DOCK9: variants seen among roughly 807,000 people sequenced by gnomAD.
The protein encoded by DOCK9 is dedicator of cytokinesis 9.
Under a neutral mutation model 263.3 loss-of-function variants are expected in DOCK9, and 89 were observed. The ratio of observed to expected loss-of-function variants is 0.34; its 90% confidence interval spans 0.28 to 0.40. DOCK9 has a LOEUF of 0.40. Among genes scored for constraint, DOCK9 ranks in the 10% least tolerant of loss-of-function variants. DOCK9 has a pLI of 1.00. For synonymous variants in DOCK9, 976 were observed against 973.1 expected (o/e 1.00, Z -0.06); for missense variants, 2,140 against 2,603.4 (o/e 0.82, Z 3.87).
intron 1 of DOCK9, among the ~76,000 whole-genome samples, chr13:99,027,289 A>G (rs952109270): frequency 1.3e-5 from 2 of 152,194 alleles, no homozygotes; most frequent in Non-Finnish European, 2.9e-5. Flanking sequence ...AAGTGTTGGG[A>G]TTACAGGCAT....
chr13:98,845,989 G>A lies in DOCK9; in HGVS notation c.4133C>T (p.Thr1378Ile). 1.2e-6 allele frequency: 2 copies of A among 1,611,790 alleles called. No individual in the cohort carries two copies. The highest frequency in any genetic ancestry group is 1.7e-6 in the Non-Finnish European group (2 of 1,178,988). Residue 1378 changes from threonine to isoleucine, a missense_variant, in exon 38 of 53, where the codon ACA becomes ATA. This residue lies in a region of DOCK9 where 1,521 missense variants were observed against 1,741.7 expected (regional missense o/e 0.87). Transcript: ENST00000682017. ...SQTLPVSRNR[T>I]GMMHARLQQL... Reference sequence around the variant, plus strand: ...CTGCAATCTGGCATGCATCATTCCTGTTCTGTTACGGGAAACAGGCAATGT... The same window carrying A: ...CTGCAATCTGGCATGCATCATTCCTATTCTGTTACGGGAAACAGGCAATGT...
chr13:99,062,862 T>C (rs1363766672), intron 1 of DOCK9, among the ~76,000 whole-genome samples: 1 of 152,150 alleles, frequency 6.6e-6, no homozygotes, highest in Non-Finnish European at 1.5e-5. Flanking sequence ...TGGTTTAATA[T>C]CCTGTCTCTT....
At chr13:98,826,796 A>G in intron 44 of DOCK9, 34 bp downstream of exon 44, 1 of 1,552,364 alleles carries the variant, frequency 6.4e-7, no homozygotes, top group Non-Finnish European at 8.8e-7. Flanking sequence ...TTTTATACTA[A>G]TTAATTTCAC....
intron 1 of DOCK9, among the ~76,000 whole-genome samples, chr13:99,008,446 C>A (rs1055982836): frequency 4.6e-5 from 7 of 152,010 alleles, no homozygotes; most frequent in Non-Finnish European, 8.8e-5. Context: ...GTTGGCCAGG[C>A]TGGTCTCAAT....
intron 45 of DOCK9, among the ~76,000 whole-genome samples, chr13:98,821,742 A>C (rs2092287695): frequency 6.6e-6 from 1 of 152,224 alleles, no homozygotes; most frequent in Non-Finnish European, 1.5e-5. Flanking sequence ...GAATCAAGGA[A>C]GGTGGAATTG....
At chr13:98,990,672 C>CA (rs1295634207) in intron 1 of DOCK9, among the ~76,000 whole-genome samples, 6 of 152,180 alleles carry the variant, frequency 3.9e-5, no homozygotes. Flanking sequence ...CACACATCCA[C>CA]AAAAATGAGG....
At position 98,911,874 on chromosome 13, in the gene DOCK9, C is replaced by CTTTTTT. The variant is rs368270696; in HGVS notation, c.960+2448_960+2453dup. ...TCAATTCTATTACATTAAAAAAACACTTTTTTTTTTTTTGAGACACAGTCT... is the reference window on the plus strand; with the variant it reads ...TCAATTCTATTACATTAAAAAAACACTTTTTTTTTTTTTTTTTTTGAGACACAGTCT... On this transcript the variant is annotated intron_variant, in intron 9 of 52. Coordinates refer to ENST00000682017, the MANE Select transcript of DOCK9 (RefSeq NM_001366683.2). 2.4e-3 allele frequency among the ~76,000 whole-genome samples: 343 copies of CTTTTTT among 142,146 alleles called. 6 individuals carry two copies. The highest frequency in any genetic ancestry group is 7.6e-3 in the African/African-American group (289 of 38,140). The allele number at this position is 142,146 out of a possible 152,430, so 93.3% of individuals were successfully genotyped here.
chr13:99,066,940 T>A (rs775752242), intron 1 of DOCK9, among the ~76,000 whole-genome samples: 2 of 152,236 alleles, frequency 1.3e-5, no homozygotes, highest in Non-Finnish European at 2.9e-5. Flanking sequence ...AACAGCCATA[T>A]TAAACATCCG....
intron 2 of DOCK9, among the ~76,000 whole-genome samples, chr13:98,941,617 C>G (rs1444789583): frequency 2.0e-5 from 3 of 152,188 alleles, no homozygotes; most frequent in South Asian, 4.1e-4. Flanking sequence ...TTTAAAATCA[C>G]TTGCTAAGTA....
At chr13:98,949,321 G>A (rs1215559063) in intron 2 of DOCK9, among the ~76,000 whole-genome samples, 1 of 152,042 alleles carries the variant, frequency 6.6e-6, no homozygotes, top group Non-Finnish European at 1.5e-5. Context: ...TCAAAACAAG[G>A]CCCCAGGAAC....
chr13:98,917,645 T>C (rs199663454), intron 7 of DOCK9, among the ~76,000 whole-genome samples: 43 of 129,014 alleles, frequency 3.3e-4, no homozygotes, highest in East Asian at 3.3e-3. Context: ...TTTTTTTTTC[T>C]TTTTTTTTTT....
chr13:99,048,664 C>G (rs1222696690), intron 1 of DOCK9, among the ~76,000 whole-genome samples: 1 of 152,196 alleles, frequency 6.6e-6, no homozygotes, highest in Non-Finnish European at 1.5e-5. Context: ...ATATTTTCAA[C>G]TGACTTTCTG....
At chr13:98,868,689 A>T (rs534669791) in intron 27 of DOCK9, among the ~76,000 whole-genome samples, 127 of 152,314 alleles carry the variant, frequency 8.3e-4, no homozygotes, top group African/African-American at 2.4e-3. Flanking sequence ...CAGCAGTCTG[A>T]GGCTGCAGTG....
intron 9 of DOCK9, among the ~76,000 whole-genome samples, chr13:98,907,772 T>C (rs892673164): frequency 5.9e-5 from 9 of 152,294 alleles, no homozygotes; most frequent in South Asian, 4.2e-4. Context: ...CAGTGGCTGA[T>C]GGAATTACCA....
At chr13:98,846,431 T>C (rs1370094232) in intron 37 of DOCK9, 17 of 1,009,698 alleles carry the variant, frequency 1.7e-5, no homozygotes, top group Middle Eastern at 2.5e-4. Flanking sequence ...AAGACATGTA[T>C]TTTTTTTAAT....
intron 39 of DOCK9, among the ~76,000 whole-genome samples, chr13:98,836,181 T>C (rs2141084621): frequency 6.6e-6 from 1 of 152,272 alleles, no homozygotes; most frequent in East Asian, 1.9e-4. Flanking sequence ...GCTCACCCCA[T>C]GATACTGCTC....
intron 50 of DOCK9, 68 bp downstream of exon 50, chr13:98,800,220 A>C (rs1023823966): frequency 1.4e-6 from 2 of 1,475,598 alleles, no homozygotes; most frequent in African/African-American, 2.8e-5. Context: ...GTTAGTGGAA[A>C]CGACTCTCAA....
chr13:99,036,376 GCTC>G (rs1887881337), intron 1 of DOCK9, among the ~76,000 whole-genome samples: 1 of 152,132 alleles, frequency 6.6e-6, no homozygotes, highest in Non-Finnish European at 1.5e-5. Flanking sequence ...GAGCTTGCTA[GCTC>G]TCTGTCTGCT....
At chr13:99,036,564 A>G (rs1887901859) in intron 1 of DOCK9, among the ~76,000 whole-genome samples, 1 of 152,046 alleles carries the variant, frequency 6.6e-6, no homozygotes, top group Admixed American at 6.5e-5. Flanking sequence ...TGTTTTTGAG[A>G]CAGAGTCTTG....
Sources: gnomAD v4.1 joint callset for allele counts (sites outside exome capture counted in the v4.1 genomes callset) on GRCh38, gnomAD v4.1.1 for gene constraint, gnomAD v4.1.1 regional missense constraint, MANE v1.5 for transcripts, NCBI Gene and HGNC (gene_info 2026-07-23, HGNC 2026-07-21) for gene names.